Variants in AGMO observed in about 807,000 individuals in gnomAD.
AGMO encodes the protein glyceryl-ether monooxygenase.
In AGMO, 75 loss-of-function variants were observed where a neutral mutation model predicts 60.2. That is an observed-to-expected ratio of 1.25 (90% CI 1.03 to 1.51). AGMO has a LOEUF of 1.51. Ranked by LOEUF, AGMO falls within the 40% of genes most tolerant of loss-of-function variation. AGMO has a pLI of 0.00. For missense variants in AGMO, 763 were observed against 525.5 expected (o/e 1.45, Z -4.42); for synonymous variants, 261 against 177.1 (o/e 1.47, Z -3.76).
the AGMO span, among the ~76,000 whole-genome samples, chr7:15,182,127 C>T: frequency 7.1e-3 from 1,087 of 152,242 alleles, 14 homozygotes; most frequent in African/African-American, 0.025. Context: ...CATAATTCCA[C>T]TTGTATGAGG....
At chr7:15,391,302 G>A (rs1393311136) in intron 6 of AGMO, among the ~76,000 whole-genome samples, 1 of 151,866 alleles carries the variant, frequency 6.6e-6, no homozygotes, top group Admixed American at 6.6e-5. Flanking sequence ...ATTTTTGATG[G>A]GATGTCTATC....
At chr7:15,367,857 T>C (rs535626879) in intron 10 of AGMO, among the ~76,000 whole-genome samples, 1 of 152,196 alleles carries the variant, frequency 6.6e-6, no homozygotes, top group East Asian at 1.9e-4. Flanking sequence ...CCCCTTGAAA[T>C]GAATATAAGG....
chr7:15,544,905 A>C lies in AGMO; in HGVS notation c.276T>G (p.Ile92Met), dbSNP rs756243101. 3 of 1,552,714 alleles carry C rather than the reference A, an allele frequency of 1.9e-6. No individual in the cohort carries two copies. In the East Asian group the frequency reaches 7.1e-5, roughly 37 times the overall value. The change falls in exon 3 of 13, where the codon ATT becomes ATG. Residue 92 changes from isoleucine to methionine, a missense_variant. Ile to Met is a conservative substitution (Grantham distance 10). Transcript: ENST00000342526. ...SRLPSLFFRS[I>M]ELTSYIYIWE... ...AGATATAAATATAACTGGTCAGTTC[A>C]ATGCTCCTGAAAAATAGACTGGAAG...
chr7:15,259,767 CA>C (rs1783211987), intron 12 of AGMO, among the ~76,000 whole-genome samples: 1 of 151,618 alleles, frequency 6.6e-6, no homozygotes, highest in South Asian at 2.1e-4. Flanking sequence ...TCTCCTTAAA[CA>C]AAACAGTTAT....
the AGMO span, among the ~76,000 whole-genome samples, chr7:15,122,792 G>A: frequency 6.6e-6 from 1 of 152,034 alleles, no homozygotes; most frequent in African/African-American, 2.4e-5. Flanking sequence ...CCACTACCAT[G>A]TCTATTATGA....
chr7:15,509,247 C>T (rs1783608598), intron 3 of AGMO, among the ~76,000 whole-genome samples: 1 of 152,034 alleles, frequency 6.6e-6, no homozygotes, highest in Non-Finnish European at 1.5e-5. Flanking sequence ...TAGAACAGAA[C>T]ACAGACCTCA....
chr7:15,226,655 T>C (rs1420176894), intron 12 of AGMO, among the ~76,000 whole-genome samples: 3 of 152,068 alleles, frequency 2.0e-5, no homozygotes, highest in Non-Finnish European at 4.4e-5. Context: ...TTATTAACCC[T>C]GAAGAAAACA....
At chr7:15,387,376 A>C in intron 9 of AGMO, 30 bp downstream of exon 9, 2 of 1,604,830 alleles carry the variant, frequency 1.2e-6, no homozygotes, top group South Asian at 1.1e-5. Context: ...GACAATCTTC[A>C]CCATCTCCAA....
In AGMO at chr7:15,388,736, G is replaced by C. The variant is rs189031980; in HGVS notation, c.823-1196C>G. 3.3e-4 allele frequency among the ~76,000 whole-genome samples: 50 copies of C among 152,282 alleles called. No homozygotes were observed. The East Asian group carries it at 6.2e-3, about 19-fold the overall frequency. ...CCTAAGTTGCTTTGATGCCTCTGCA[G>C]AATAGGTGAGAAATTTACCTGTATA... On this transcript the variant is annotated intron_variant, in intron 8 of 12. Coordinates refer to ENST00000342526, the MANE Select transcript of AGMO (RefSeq NM_001004320.2).
At chr7:15,135,979 C>CTTTTTTTTTTTTTTTTTTTTCTTT in the AGMO span, among the ~76,000 whole-genome samples, 1 of 106,870 alleles carries the variant, frequency 9.4e-6, no homozygotes, top group Non-Finnish European at 1.8e-5. Flanking sequence ...TTTTTCTTTT[C>CTTTTTTTTTTTTTTTTTTTTCTTT]TTTTTTTTTT....
intron 8 of AGMO, among the ~76,000 whole-genome samples, chr7:15,388,480 CTTAAT>C (rs1356255101): frequency 6.6e-6 from 1 of 152,128 alleles, no homozygotes; most frequent in Admixed American, 6.5e-5. Context: ...CATTAATATA[CTTAAT>C]TTGTTTTGTA....
chr7:15,231,468 C>T (rs1236203763), intron 12 of AGMO, among the ~76,000 whole-genome samples: 4 of 152,136 alleles, frequency 2.6e-5, no homozygotes, highest in East Asian at 3.8e-4. Context: ...CTTTGAAATT[C>T]CCTTTTGTAT....
chr7:15,325,507 AGCT>A (rs1781310934), intron 12 of AGMO, among the ~76,000 whole-genome samples: 1 of 152,116 alleles, frequency 6.6e-6, no homozygotes, highest in Non-Finnish European at 1.5e-5. Flanking sequence ...TTTACATCCA[AGCT>A]AACTGGTGAA....
intron 12 of AGMO, among the ~76,000 whole-genome samples, chr7:15,327,974 C>A (rs975214635): frequency 1.2e-4 from 18 of 151,738 alleles, no homozygotes; most frequent in Admixed American, 1.1e-3. Flanking sequence ...CAGGGTCTCA[C>A]TATGTTGCCT....
intron 12 of AGMO, among the ~76,000 whole-genome samples, chr7:15,326,988 TTAATG>T (rs139369464): frequency 0.01 from 1,527 of 152,304 alleles, 25 homozygotes; most frequent in African/African-American, 0.036. Flanking sequence ...ATTTTTTGTC[TTAATG>T]TAAATTGTTC....
chr7:15,282,103 T>C lies in AGMO; in HGVS notation c.1264-80744A>G, dbSNP rs190107846. Among the ~76,000 whole-genome samples the C allele has an allele frequency of 2.6e-5, 4 of 152,104 alleles. No homozygotes were observed. In the East Asian group the frequency reaches 5.8e-4, roughly 22 times the overall value. ...AATCAAAAATAAACTAAGAAATAAT[T>C]AGAACATATAGTCTGCCCAAATAAG... On this transcript the variant is annotated intron_variant, in intron 12 of 12. Coordinates refer to ENST00000342526, the MANE Select transcript of AGMO (RefSeq NM_001004320.2).
chr7:15,495,148 G>C (rs1783188797), intron 3 of AGMO, among the ~76,000 whole-genome samples: 1 of 152,070 alleles, frequency 6.6e-6, no homozygotes. Flanking sequence ...TGATGCTTTT[G>C]CTAATACATG....
chr7:15,342,791 A>AC (rs1267065734), intron 12 of AGMO, among the ~76,000 whole-genome samples: 2 of 149,380 alleles, frequency 1.3e-5, no homozygotes, highest in South Asian at 2.1e-4. Context: ...AAAAAAAAAA[A>AC]AAAAAAAAAA....
the AGMO span, among the ~76,000 whole-genome samples, chr7:15,191,964 G>GTCTC: frequency 2.1e-5 from 2 of 95,146 alleles, no homozygotes; most frequent in East Asian, 3.6e-4. Flanking sequence ...CTCTCCCTCT[G>GTCTC]TCTCTCTCTC....
Sources: allele counts gnomAD v4.1 joint callset (sites outside exome capture counted in the v4.1 genomes callset), GRCh38; gene constraint gnomAD v4.1.1; transcripts MANE v1.5; gene names NCBI Gene and HGNC (gene_info 2026-07-23, HGNC 2026-07-21).